GLB1: variants seen among roughly 807,000 people sequenced by gnomAD.
GLB1 encodes beta-galactosidase.
Under a neutral mutation model 74.0 loss-of-function variants are expected in GLB1, and 56 were observed. The ratio of observed to expected loss-of-function variants is 0.76; its 90% CI spans 0.61 to 0.94. GLB1 has a LOEUF of 0.94. GLB1 is among the 40% of genes least tolerant of loss of function. GLB1 has a pLI of 0.00. For missense variants in GLB1, 787 were observed against 845.5 expected, an observed-to-expected ratio of 0.93 and a Z score of 0.86; for synonymous variants, 323 against 323.6, an observed-to-expected ratio of 1.00 and a Z score of 0.02.
chr3:32,978,765 C>CT, the GLB1 span, among the ~76,000 whole-genome samples: 1,840 of 126,020 alleles, frequency 0.015, 68 homozygotes, highest in African/African-American at 0.047. Context: ...TTCTTTCTTT[C>CT]TTTTTTTTTT....
intron 6 of GLB1, among the ~76,000 whole-genome samples, chr3:33,055,882 C>A (rs1699194621): frequency 6.6e-6 from 1 of 152,022 alleles, no homozygotes; most frequent in Non-Finnish European, 1.5e-5. Context: ...CACTTAAGGT[C>A]AGTTCTTTTC....
rs148801297 is a variant in GLB1, at chr3:33,093,740, G to A, written c.75+3271C>T. On this transcript the variant is annotated intron_variant, in intron 1 of 15. Transcript: ENST00000307363. This position sits in a 1 kb window ranked among gnomAD's most constrained non-coding sequence, Gnocchi z 6.0. Reference sequence around the variant, plus strand: ...TCCTTGTCTTCTCAAGGCTGCCCACGACCCTACCACTGCGCCAGGCCAAGA... The same window carrying A: ...TCCTTGTCTTCTCAAGGCTGCCCACAACCCTACCACTGCGCCAGGCCAAGA... 148 of 1,613,854 alleles carry A rather than the reference G, an allele frequency of 9.2e-5. No homozygotes were observed. The highest frequency in any genetic ancestry group is 2.2e-4 in the Admixed American group (13 of 59,974).
intron 11 of GLB1, among the ~76,000 whole-genome samples, chr3:33,023,557 C>CTTTTTTT (rs960310265): frequency 6.9e-6 from 1 of 144,366 alleles, no homozygotes. Context: ...GGTAACGGTT[C>CTTTTTTT]TTTTTTTTTT....
chr3:32,965,098 C>G, the GLB1 span, among the ~76,000 whole-genome samples: 2 of 152,132 alleles, frequency 1.3e-5, no homozygotes, highest in East Asian at 1.9e-4. Flanking sequence ...CAGGTATATC[C>G]TTATTAGCAG....
At chr3:32,967,782 G>T in the GLB1 span, among the ~76,000 whole-genome samples, 5 of 152,144 alleles carry the variant, frequency 3.3e-5, no homozygotes, top group African/African-American at 1.2e-4. Flanking sequence ...GGCATCCAAG[G>T]TGCACCACGG....
rs972283410 is a variant in GLB1, at chr3:33,053,615, C to A, written c.734-66G>T. 3 of 1,606,184 alleles carry A rather than the reference C, an allele frequency of 1.9e-6. No individual in the cohort carries two copies. The Admixed American group carries it at 5.1e-5, about 27-fold the overall frequency. On this transcript the variant is annotated intron_variant, in intron 6 of 15. Transcript: ENST00000307363. ...ATGACAAGAAGTTAAATAACAAGAG[C>A]CCTTCATGGGACTCGGGCCTGAAGC...
rs1698556658 is a variant in GLB1, at chr3:33,042,674, CT to C, written c.1068+3445del. On this transcript the variant is annotated intron_variant, in intron 10 of 15. Coordinates refer to ENST00000307363, the MANE Select transcript of GLB1 (RefSeq NM_000404.4). ...GAGCCACCGCGCACAGCCTCTCCTACTTCTTACCCCTTCATTTACTGGGCTC... is the reference window on the plus strand; with the variant it reads ...GAGCCACCGCGCACAGCCTCTCCTACTCTTACCCCTTCATTTACTGGGCTC... Among the ~76,000 whole-genome samples, 5 of 152,154 alleles carry C rather than the reference CT, an allele frequency of 3.3e-5. No individual in the cohort carries two copies. The South Asian group carries it at 1.0e-3, about 31-fold the overall frequency.
intron 10 of GLB1, among the ~76,000 whole-genome samples, chr3:33,040,366 C>T (rs1698448196): frequency 6.6e-6 from 1 of 151,992 alleles, no homozygotes; most frequent in East Asian, 1.9e-4. Context: ...CAAATAATTC[C>T]TAAAGATAAA....
At chr3:33,040,651 A>AATTC in intron 10 of GLB1, among the ~76,000 whole-genome samples, 1 of 152,190 alleles carries the variant, frequency 6.6e-6, no homozygotes, top group African/African-American at 2.4e-5. Flanking sequence ...AGTTCCAAGA[A>AATTC]ATTCAGCTCA....
intron 10 of GLB1, among the ~76,000 whole-genome samples, chr3:33,031,652 T>G (rs1445965130): frequency 9.3e-6 from 1 of 107,820 alleles, no homozygotes; most frequent in Non-Finnish European, 1.8e-5. Flanking sequence ...TATATATATA[T>G]ATATATATAT....
chr3:33,008,750 A>G (rs1282733015), intron 15 of GLB1, among the ~76,000 whole-genome samples: 4 of 152,170 alleles, frequency 2.6e-5, no homozygotes, highest in Non-Finnish European at 4.4e-5. Flanking sequence ...GATCCATTCT[A>G]CATGGAGGAG....
intron 1 of GLB1, among the ~76,000 whole-genome samples, chr3:33,082,047 C>T (rs1376877216): frequency 6.6e-6 from 1 of 152,180 alleles, no homozygotes; most frequent in Admixed American, 6.5e-5. Flanking sequence ...AAATATTCCT[C>T]CAATCCTTCC....
intron 15 of GLB1, among the ~76,000 whole-genome samples, chr3:33,006,331 G>A (rs992794772): frequency 5.9e-5 from 9 of 152,188 alleles, no homozygotes; most frequent in African/African-American, 1.7e-4. Context: ...CTGCGCACGC[G>A]AGGGATATAG....
chr3:33,073,721 A>G (rs1699976994), intron 1 of GLB1, among the ~76,000 whole-genome samples: 1 of 151,964 alleles, frequency 6.6e-6, no homozygotes, highest in South Asian at 2.1e-4. Flanking sequence ...AATAAAAATC[A>G]AAGAATAGCA....
the GLB1 span, among the ~76,000 whole-genome samples, chr3:32,980,794 C>CA: frequency 6.6e-6 from 1 of 150,476 alleles, no homozygotes; most frequent in Admixed American, 6.6e-5. Context: ...AACAAACAAA[C>CA]AAAAAAACCA....
At position 33,065,042 on chromosome 3, in the gene GLB1, G is replaced by A. The variant is rs117598532; in HGVS notation, c.552+421C>T. ...GTTATCTGACTGTCAAGGCAGTGCC[G>A]ATACCAAAGTGTTTCAGTCCACGCT... On this transcript the variant is annotated intron_variant, in intron 5 of 15. Transcript: ENST00000307363. Among the ~76,000 whole-genome samples the A allele has an allele frequency of 2.2e-3, 341 of 152,160 alleles. 7 individuals carry two copies. The South Asian group carries it at 0.042, about 19-fold the overall frequency.
intron 1 of GLB1, among the ~76,000 whole-genome samples, chr3:33,094,971 G>T (rs919425701): frequency 1.3e-5 from 2 of 152,208 alleles, no homozygotes; most frequent in Non-Finnish European, 2.9e-5. Flanking sequence ...AGCACTTTGG[G>T]AGGCCGAGGC....
chr3:33,023,557 C>CT lies in GLB1; in HGVS notation c.1143+693dup, dbSNP rs960310265. 7.6e-3 allele frequency among the ~76,000 whole-genome samples: 1,096 copies of CT among 144,256 alleles called. 14 individuals are homozygous for CT. The highest frequency in any genetic ancestry group is 0.025 in the African/African-American group (984 of 39,590). The allele number at this position is 144,256 out of a possible 152,430, so 94.6% of individuals were successfully genotyped here. A position where few individuals can be genotyped will look rare whatever the true frequency, so the allele number is the denominator to read the frequency against. On this transcript the variant is annotated intron_variant, in intron 11 of 15. Transcript: ENST00000307363. ...GATTCTTAAGAAATAGGTAACGGTT[C>CT]TTTTTTTTTTTTCTTGTGAGTTAAT...
intron 1 of GLB1, chr3:33,092,547 G>T (rs1700810005): frequency 8.5e-7 from 1 of 1,178,492 alleles, no homozygotes; most frequent in African/African-American, 1.5e-5. Flanking sequence ...GCAGGAGAAG[G>T]TCCCCATTCC....
Sources: allele counts gnomAD v4.1 joint callset (sites outside exome capture counted in the v4.1 genomes callset), GRCh38; gene constraint gnomAD v4.1.1; non-coding constraint Gnocchi (gnomAD v3.1); transcripts MANE v1.5; gene names NCBI Gene and HGNC (gene_info 2026-07-23, HGNC 2026-07-21).